The following NLRP5 variants were observed in gnomAD, a reference collection of about 807,000 sequenced individuals.
NLRP5 encodes the protein NACHT, LRR and PYD domains-containing protein 5.
A neutral mutation model predicts 113.1 loss-of-function variants in NLRP5; 93 were observed. The observed-to-expected ratio is 0.82, with a 90% CI of 0.70 to 0.98. The LOEUF (loss-of-function observed/expected upper bound fraction) is 0.98, where lower values mean the gene tolerates loss of function less well. Among genes scored for constraint, NLRP5 ranks in the 50% least tolerant of loss-of-function variants. NLRP5 has a pLI of 0.00. For missense variants in NLRP5, 1,808 were observed against 1,514.3 expected (o/e 1.19, Z -3.22); for synonymous variants, 751 against 600.7 (o/e 1.25, Z -3.66).
chr19:56,005,453 TTA>T (rs1196845001), intron 2 of NLRP5, among the ~76,000 whole-genome samples: 1 of 141,848 alleles, frequency 7.0e-6, no homozygotes, highest in Admixed American at 7.1e-5. Flanking sequence ...ACATATATTT[TTA>T]TATACACACA....
upstream of NLRP5, among the ~76,000 whole-genome samples, chr19:55,998,728 A>ATATGTGTATATATATATATG (rs1262553481): frequency 4.5e-3 from 584 of 130,244 alleles, 14 homozygotes; most frequent in South Asian, 9.2e-3. Context: ...ATATATATAT[A>ATATGTGTATATATATATATG]TGTGTATATA....
intron 3 of NLRP5, among the ~76,000 whole-genome samples, chr19:56,011,472 T>G (rs34037352): frequency 1.6e-4 from 25 of 151,794 alleles, no homozygotes; most frequent in African/African-American, 6.0e-4. Context: ...AATGGGTGAA[T>G]TGTATGATTT....
At chr19:56,001,402 C>T (rs1241578482) in intron 1 of NLRP5, among the ~76,000 whole-genome samples, 2 of 151,528 alleles carry the variant, frequency 1.3e-5, no homozygotes, top group African/African-American at 4.9e-5. Flanking sequence ...GCTCTTGTCT[C>T]CCACCTCTAC....
At chr19:55,993,926 G>T in the NLRP5 span, among the ~76,000 whole-genome samples, 2 of 151,800 alleles carry the variant, frequency 1.3e-5, no homozygotes, top group African/African-American at 2.4e-5. Flanking sequence ...CTTAGCTATC[G>T]TGAATAGTGG....
chr19:56,052,712 G>C (rs1283982115), intron 12 of NLRP5, among the ~76,000 whole-genome samples: 1 of 152,188 alleles, frequency 6.6e-6, no homozygotes, highest in Non-Finnish European at 1.5e-5. Flanking sequence ...AAACCATTCA[G>C]ATGTTATTTA....
At chr19:56,002,579 AG>A (rs1466532915) in intron 1 of NLRP5, among the ~76,000 whole-genome samples, 3 of 151,132 alleles carry the variant, frequency 2.0e-5, no homozygotes, top group East Asian at 1.9e-4. Context: ...CTCATCATTT[AG>A]CATTAGGTAT....
intron 6 of NLRP5, 146 bp from the exon 7 acceptor site, chr19:56,026,766 CG>C (rs2123303120): frequency 1.3e-6 from 1 of 748,406 alleles, no homozygotes. Flanking sequence ...TTATTAGAGA[CG>C]GGGCTTTGCC....
intron 9 of NLRP5, among the ~76,000 whole-genome samples, chr19:56,035,084 ACC>A (rs2123315884): frequency 6.6e-6 from 1 of 152,098 alleles, no homozygotes; most frequent in East Asian, 1.9e-4. Context: ...GATTACAGGC[ACC>A]CGCCACCATG....
the NLRP5 span, chr19:55,987,985 TATC>T: frequency 4.6e-6 from 5 of 1,092,846 alleles, no homozygotes; most frequent in East Asian, 2.4e-5. Flanking sequence ...TACCAGGCGT[TATC>T]ATCCTGTATG....
rs11301032 is a variant in NLRP5, at chr19:56,037,693, C to CAA, written c.2616-312_2616-311dup. Among the ~76,000 whole-genome samples, 97 of 87,702 alleles carry CAA rather than the reference C, an allele frequency of 1.1e-3. 2 individuals are homozygous for CAA. The highest frequency in any genetic ancestry group is 1.6e-3 in the Non-Finnish European group (68 of 43,450). The allele number at this position is 87,702 out of a possible 152,430, so 57.5% of individuals were successfully genotyped here. A position where few individuals can be genotyped will look rare whatever the true frequency, so the allele number is the denominator to read the frequency against. ...GGGTGACAAGAGCAAGACCCTGTCT[C>CAA]AAAAAAAAAAAAAAAAAAAAATGTT... On this transcript the variant is annotated intron_variant, in intron 9 of 14. Coordinates refer to ENST00000390649, the MANE Select transcript of NLRP5 (RefSeq NM_153447.4).
chr19:56,024,428 T>C (rs150136781), intron 6 of NLRP5, among the ~76,000 whole-genome samples: 3,534 of 142,440 alleles, frequency 0.025, 49 homozygotes, highest in Middle Eastern at 0.036. Context: ...ATGTTATATA[T>C]ACACATATAC....
At chr19:55,994,055 C>T in the NLRP5 span, among the ~76,000 whole-genome samples, 1 of 152,086 alleles carries the variant, frequency 6.6e-6, no homozygotes, top group Admixed American at 6.5e-5. Context: ...CACTGTTTTC[C>T]ATAATGGCTG....
At chr19:55,986,802 G>A in the NLRP5 span, among the ~76,000 whole-genome samples, 4 of 152,090 alleles carry the variant, frequency 2.6e-5, no homozygotes, top group East Asian at 3.9e-4. Context: ...ACCTGCTCTT[G>A]GTGGTGAGGT....
At chr19:56,033,011 C>A (rs146879450) in intron 8 of NLRP5, among the ~76,000 whole-genome samples, 1 of 151,972 alleles carries the variant, frequency 6.6e-6, no homozygotes, top group Non-Finnish European at 1.5e-5. Flanking sequence ...TTTGGGAGGC[C>A]GAGGTGGGTG....
upstream of NLRP5, among the ~76,000 whole-genome samples, chr19:55,997,143 A>T (rs1409359613): frequency 6.6e-6 from 1 of 152,112 alleles, no homozygotes; most frequent in Non-Finnish European, 1.5e-5. Context: ...TCTTTTGAGA[A>T]GTGTCTGTTC....
chr19:56,023,306 G>T (rs998802243), intron 6 of NLRP5, among the ~76,000 whole-genome samples: 16 of 152,140 alleles, frequency 1.1e-4, no homozygotes, highest in African/African-American at 3.4e-4. Flanking sequence ...AGGACAACAG[G>T]TCGGTCTGAG....
intron 6 of NLRP5, among the ~76,000 whole-genome samples, chr19:56,023,176 A>G (rs1279051734): frequency 1.3e-5 from 2 of 152,200 alleles, no homozygotes; most frequent in Non-Finnish European, 2.9e-5. Context: ...AATTAAATCC[A>G]TAGAAAAAGA....
intron 10 of NLRP5, among the ~76,000 whole-genome samples, chr19:56,039,258 C>T (rs1008791646): frequency 2.0e-5 from 3 of 152,138 alleles, no homozygotes; most frequent in African/African-American, 7.2e-5. Flanking sequence ...CTGAGCCACC[C>T]AGCGTGGCAG....
intron 9 of NLRP5, among the ~76,000 whole-genome samples, chr19:56,036,504 G>A (rs766011778): frequency 3.3e-5 from 5 of 152,126 alleles, no homozygotes; most frequent in Admixed American, 2.0e-4. Flanking sequence ...GTAGTACTAC[G>A]ACATGTTCCA....
Sources: gnomAD v4.1 joint callset for allele counts (sites outside exome capture counted in the v4.1 genomes callset) on GRCh38, gnomAD v4.1.1 for gene constraint, MANE v1.5 for transcripts, NCBI Gene and HGNC (gene_info 2026-07-23, HGNC 2026-07-21) for gene names.